The following SPIN1 variants were observed in gnomAD, a reference collection of about 807,000 sequenced individuals.
The protein encoded by SPIN1 is spindlin-1.
Under a neutral mutation model 26.0 loss-of-function variants are expected in SPIN1, and 3 were observed. That is an observed-to-expected ratio of 0.12 (90% CI 0.05 to 0.30). The LOEUF is 0.30. Ranked by LOEUF, SPIN1 falls within the 10% of genes least tolerant of loss-of-function variation. The pLI is 1.00. For missense variants in SPIN1, 126 were observed against 333.4 expected (o/e 0.38, Z 4.84); for synonymous variants, 101 against 116.5 (o/e 0.87, Z 0.86).
At chr9:88,417,102 T>G (rs1304555938) in intron 1 of SPIN1, among the ~76,000 whole-genome samples, 1 of 152,258 alleles carries the variant, frequency 6.6e-6, no homozygotes, top group African/African-American at 2.4e-5. Context: ...AGGTTGTTAT[T>G]CTTTGTAACT....
intron 1 of SPIN1, among the ~76,000 whole-genome samples, chr9:88,408,376 C>CTTTTTTT (rs1177261349): frequency 3.5e-5 from 4 of 115,434 alleles, no homozygotes; most frequent in Non-Finnish European, 6.8e-5. Context: ...TCCTTTTTTT[C>CTTTTTTT]TTTTTTTTTT....
rs181010546 is a variant in SPIN1 at position 88,437,372 on chromosome 9, C to G, written c.52+10781C>G. On this transcript the variant is annotated intron_variant, in intron 2 of 5. Transcript: ENST00000375859. ...AAGTAGTGGAGCGTGGTGGCTCACACCTGTGGTCCTAGCCACTCGGGAGGT... is the reference window on the plus strand; with the variant it reads ...AAGTAGTGGAGCGTGGTGGCTCACAGCTGTGGTCCTAGCCACTCGGGAGGT... 2.6e-3 allele frequency among the ~76,000 whole-genome samples: 399 copies of G among 152,044 alleles called. 2 individuals are homozygous for G. Among genetic ancestry groups the G allele is most frequent in the Middle Eastern group, 0.014 (4 of 294 alleles).
At chr9:88,423,702 C>G (rs1255287871) in intron 1 of SPIN1, among the ~76,000 whole-genome samples, 2 of 151,894 alleles carry the variant, frequency 1.3e-5, no homozygotes, top group East Asian at 3.9e-4. Flanking sequence ...AGGTGTGAAC[C>G]ACTGTGCCCA....
In SPIN1 at chr9:88,405,025, CAT is replaced by C. The variant is rs200039350; in HGVS notation, c.-159+16490_-159+16491del. Among the ~76,000 whole-genome samples the C allele has an allele frequency of 6.9e-3, 1,046 of 151,860 alleles. 13 individuals carry two copies. The highest frequency in any genetic ancestry group is 0.024 in the African/African-American group (996 of 41,452). On this transcript the variant is annotated intron_variant, in intron 1 of 5. Coordinates refer to ENST00000375859, the MANE Select transcript of SPIN1 (RefSeq NM_006717.3). ...TGAAAGGTCTTCAGGTGCAATAACA[CAT>C]ATGGAGTTGTCATCTATGATAACAG...
At chr9:88,474,403 A>ATGCC (rs1828848985) in intron 5 of SPIN1, among the ~76,000 whole-genome samples, 2 of 152,184 alleles carry the variant, frequency 1.3e-5, no homozygotes, top group Non-Finnish European at 2.9e-5. Flanking sequence ...AACAGTACAG[A>ATGCC]TGCCTGTGCC....
At chr9:88,410,463 T>G in intron 1 of SPIN1, 1 of 686,198 alleles carries the variant, frequency 1.5e-6, no homozygotes, top group Non-Finnish European at 2.7e-6. Flanking sequence ...TTCACAAATC[T>G]GTTTTAACCT....
chr9:88,391,081 G>C (rs887252182), intron 1 of SPIN1, among the ~76,000 whole-genome samples: 2 of 152,120 alleles, frequency 1.3e-5, no homozygotes, highest in African/African-American at 4.8e-5. Context: ...TCATCTCACT[G>C]ACTTCAGGCT....
intron 1 of SPIN1, among the ~76,000 whole-genome samples, chr9:88,408,854 C>T (rs568815586): frequency 1.1e-4 from 17 of 149,232 alleles, no homozygotes; most frequent in South Asian, 4.2e-4. Flanking sequence ...TTAGTAGAGA[C>T]GGGGTTTCAC....
At chr9:88,461,444 C>G (rs1046457857) in intron 3 of SPIN1, among the ~76,000 whole-genome samples, 11 of 152,086 alleles carry the variant, frequency 7.2e-5, no homozygotes, top group Admixed American at 5.2e-4. Flanking sequence ...ATGGCCTGTT[C>G]CCGTCTGACT....
intron 1 of SPIN1, among the ~76,000 whole-genome samples, chr9:88,411,624 C>T (rs1827445649): frequency 6.6e-6 from 1 of 152,036 alleles, no homozygotes; most frequent in Non-Finnish European, 1.5e-5. Flanking sequence ...AGCTGTCCTT[C>T]TGTGTCAGCC....
At chr9:88,467,992 G>GT (rs1241023034) in intron 4 of SPIN1, among the ~76,000 whole-genome samples, 7 of 152,100 alleles carry the variant, frequency 4.6e-5, no homozygotes, top group Admixed American at 2.6e-4. Flanking sequence ...CAGTTCTTCT[G>GT]TAAGTCTGAA....
intron 4 of SPIN1, among the ~76,000 whole-genome samples, chr9:88,464,691 G>A (rs1828627278): frequency 6.6e-6 from 1 of 152,060 alleles, no homozygotes; most frequent in Admixed American, 6.6e-5. Flanking sequence ...GCAGTGCATG[G>A]TACCACATCA....
chr9:88,466,529 G>T lies in SPIN1; in HGVS notation c.356-1843G>T, dbSNP rs192530416. 6.0e-3 allele frequency among the ~76,000 whole-genome samples: 908 copies of T among 152,130 alleles called. 1 individual carries two copies. Among genetic ancestry groups the T allele is most frequent in the Non-Finnish European group, 9.3e-3 (634 of 67,988 alleles). On this transcript the variant is annotated intron_variant, in intron 4 of 5. Coordinates refer to ENST00000375859, the MANE Select transcript of SPIN1 (RefSeq NM_006717.3). The stretch of plus-strand genomic sequence containing the variant: ...CTACTGGCTTTAAGAAACTAGTGGG[G>T]TTTTTTTACTGTCATACACGGGGGG...
chr9:88,398,711 G>T (rs548252557), intron 1 of SPIN1, among the ~76,000 whole-genome samples: 46 of 151,994 alleles, frequency 3.0e-4, no homozygotes, highest in African/African-American at 1.1e-3. Context: ...GAGTAGCTGG[G>T]ATTACAGGCA....
intron 4 of SPIN1, among the ~76,000 whole-genome samples, chr9:88,468,144 A>G (rs1828708327): frequency 6.6e-6 from 1 of 152,144 alleles, no homozygotes; most frequent in African/African-American, 2.4e-5. Context: ...TTTTCAATTA[A>G]CTGACTTGGG....
intron 1 of SPIN1, among the ~76,000 whole-genome samples, chr9:88,396,235 T>C (rs947701733): frequency 2.0e-5 from 3 of 149,160 alleles, no homozygotes; most frequent in African/African-American, 7.5e-5. Context: ...TGAGACTCCA[T>C]CTCAAAAAAA....
At chr9:88,464,929 C>T (rs189723766) in intron 4 of SPIN1, among the ~76,000 whole-genome samples, 54 of 145,634 alleles carry the variant, frequency 3.7e-4, no homozygotes, top group African/African-American at 1.3e-3. Flanking sequence ...CATTCCCAGC[C>T]CCTGGCAACC....
intron 1 of SPIN1, among the ~76,000 whole-genome samples, chr9:88,408,981 T>TTGTTTGTGTGTGTG (rs1554692220): frequency 7.3e-6 from 1 of 136,596 alleles, no homozygotes; most frequent in African/African-American, 2.8e-5. Flanking sequence ...TTGTGTGTGT[T>TTGTTTGTGTGTGTG]TGTGTGTGTG....
chr9:88,412,397 T>G (rs1333869856), intron 1 of SPIN1, among the ~76,000 whole-genome samples: 1 of 152,194 alleles, frequency 6.6e-6, no homozygotes, highest in Non-Finnish European at 1.5e-5. Flanking sequence ...GAGGATTGTT[T>G]AAATTACCAG....
Sources: allele counts gnomAD v4.1 joint callset (sites outside exome capture counted in the v4.1 genomes callset), GRCh38; gene constraint gnomAD v4.1.1; transcripts MANE v1.5; gene names NCBI Gene and HGNC (gene_info 2026-07-23, HGNC 2026-07-21).